Variants in FRMD4A observed in about 807,000 individuals in gnomAD.
FRMD4A encodes FERM domain-containing protein 4A.
FRMD4A carries 29 observed loss-of-function variants against 129.1 expected under a neutral mutation model. That is an observed-to-expected ratio of 0.22 (90% confidence interval 0.17 to 0.31). FRMD4A has a LOEUF of 0.31. Ranked by LOEUF, FRMD4A falls within the 10% of genes least tolerant of loss-of-function variation. FRMD4A has a pLI of 1.00. For synonymous variants in FRMD4A, 634 were observed against 571.6 expected (o/e 1.11, Z -1.56); for missense variants, 1,272 against 1,375.8 (o/e 0.92, Z 1.19).
At chr10:13,710,368 T>A (rs931373053) in intron 12 of FRMD4A, 1 of 152,266 alleles carries the variant, frequency 6.6e-6, no homozygotes, top group African/African-American at 2.4e-5. Context: ...CTTTAAGTGC[T>A]CCCTGATGCA....
At chr10:13,657,597 T>C (rs2082278647) in intron 21 of FRMD4A, 75 bp from the exon 22 acceptor site, 5 of 1,448,788 alleles carry the variant, frequency 3.5e-6, no homozygotes, top group Non-Finnish European at 3.6e-6. Flanking sequence ...GAGGAGGGGG[T>C]CCTGAGGAGG....
intron 2 of FRMD4A, among the ~76,000 whole-genome samples, chr10:13,955,781 G>C (rs1420755125): frequency 6.6e-6 from 1 of 152,240 alleles, no homozygotes; most frequent in Non-Finnish European, 1.5e-5. Context: ...CATATGTGGA[G>C]ATAACCAGCC....
chr10:13,670,590 A>C (rs2083432387), intron 16 of FRMD4A, 62 bp from the exon 17 acceptor site: 2 of 1,574,454 alleles, frequency 1.3e-6, no homozygotes, highest in African/African-American at 2.7e-5. Flanking sequence ...TCTGCTTCCT[A>C]GAACACACAC....
chr10:14,217,985 C>G (rs1043958882), intron 2 of FRMD4A, among the ~76,000 whole-genome samples: 1 of 152,072 alleles, frequency 6.6e-6, no homozygotes, highest in Non-Finnish European at 1.5e-5. Context: ...CGTTCACCAC[C>G]ACACCTGGCT....
Position 13,998,668 on chromosome 10 carries a change from C to T in FRMD4A, c.46-139756G>A, listed in dbSNP as rs550652966. Among the ~76,000 whole-genome samples, 8 of 152,264 alleles carry T rather than the reference C, an allele frequency of 5.3e-5. No homozygotes were observed. In the South Asian group the frequency reaches 1.7e-3, roughly 32 times the overall value. ...TCAGGGGGCCGTTCTTGACTCCTGT[C>T]TTCCTTTCTCCCTCCACACCCAATC... On this transcript the variant is annotated intron_variant, in intron 2 of 24. Transcript: ENST00000357447.
At chr10:13,899,649 C>T (rs1343699680) in intron 2 of FRMD4A, among the ~76,000 whole-genome samples, 8 of 152,100 alleles carry the variant, frequency 5.3e-5, no homozygotes, top group Admixed American at 5.2e-4. Flanking sequence ...GGTGCCAGAG[C>T]GAGACCCTGT....
At chr10:14,215,874 C>T (rs1016220290) in intron 2 of FRMD4A, among the ~76,000 whole-genome samples, 3 of 152,154 alleles carry the variant, frequency 2.0e-5, no homozygotes, top group South Asian at 2.1e-4. Context: ...TGCTACTGTC[C>T]TTACTTCGTA....
At chr10:13,856,719 G>A (rs988371806) in intron 3 of FRMD4A, among the ~76,000 whole-genome samples, 129 of 152,266 alleles carry the variant, frequency 8.5e-4, no homozygotes, top group Middle Eastern at 3.4e-3. Context: ...TCTCTCGTTC[G>A]CCTAATTCAA....
intron 2 of FRMD4A, among the ~76,000 whole-genome samples, chr10:14,038,981 C>T (rs1413186403): frequency 6.6e-6 from 1 of 152,156 alleles, no homozygotes; most frequent in African/African-American, 2.4e-5. Flanking sequence ...CCAGTGTGGA[C>T]ACCGTTAATT....
At chr10:13,659,544 G>A in intron 20 of FRMD4A, 54 bp from the exon 21 acceptor site, 1 of 1,551,500 alleles carries the variant, frequency 6.4e-7, no homozygotes, top group Non-Finnish European at 8.8e-7. Flanking sequence ...CACCTTTCCT[G>A]GGGGGCTGGC....
Position 13,740,238 on chromosome 10 carries a change from C to T in FRMD4A, c.628G>A (p.Val210Met), listed in dbSNP as rs1335033700. 1.9e-6 allele frequency: 3 copies of T among 1,607,312 alleles called. No individual in the cohort carries two copies. Among genetic ancestry groups the T allele is most frequent in the Admixed American group, 1.7e-5 (1 of 59,986 alleles). Residue 210 changes from valine to methionine, a missense_variant, in exon 11 of 25, where the codon GTG (valine) becomes ATG (methionine). This residue lies in a region of FRMD4A where 300 missense variants were observed against 483.6 expected (regional missense o/e 0.62). Transcript: ENST00000357447. ...ACCCCGTAGGTTGGGAGAGACTCCA[C>T]GATGCTCATGTAGCTGGAATGACAA... ...GQAIVNYMSIVESLPTYGVHY... is the reference protein window; with the variant it reads ...GQAIVNYMSIMESLPTYGVHY...
intron 5 of FRMD4A, among the ~76,000 whole-genome samples, chr10:13,795,780 G>C (rs906928992): frequency 6.6e-6 from 1 of 152,192 alleles, no homozygotes; most frequent in Non-Finnish European, 1.5e-5. Flanking sequence ...CACCAATTCA[G>C]ACTTTGCCCC....
intron 2 of FRMD4A, among the ~76,000 whole-genome samples, chr10:14,116,184 T>C (rs1336881169): frequency 2.6e-5 from 4 of 152,222 alleles, no homozygotes; most frequent in Admixed American, 6.5e-5. Flanking sequence ...GAAAATTGCA[T>C]GCCTTGCATC....
intron 3 of FRMD4A, among the ~76,000 whole-genome samples, chr10:13,844,521 C>T (rs2094015298): frequency 6.6e-6 from 1 of 152,096 alleles, no homozygotes; most frequent in Non-Finnish European, 1.5e-5. Context: ...TTTGATAATA[C>T]CAACATCCGG....
intron 2 of FRMD4A, among the ~76,000 whole-genome samples, chr10:13,910,218 A>G (rs1374589432): frequency 6.6e-6 from 1 of 152,250 alleles, no homozygotes; most frequent in Non-Finnish European, 1.5e-5. Flanking sequence ...TAAGTCTCCA[A>G]AGGACTTTGA....
intron 12 of FRMD4A, among the ~76,000 whole-genome samples, chr10:13,730,544 G>A (rs1288806376): frequency 6.6e-6 from 1 of 151,960 alleles, no homozygotes; most frequent in Non-Finnish European, 1.5e-5. Context: ...ATTTACCTCC[G>A]GTGCCTAAAT....
In FRMD4A at chr10:13,859,836, T is replaced by C. The variant is rs189463392; in HGVS notation, c.46-924A>G. On this transcript the variant is annotated intron_variant, in intron 2 of 24. Coordinates refer to ENST00000357447, the MANE Select transcript of FRMD4A (RefSeq NM_018027.5). ...AATCCAACCCCGTCCCTTGTGCCTT[T>C]CAGGACTGAAATCTCTGAGTGGTAT... 2.2e-3 allele frequency among the ~76,000 whole-genome samples: 329 copies of C among 152,294 alleles called. 5 individuals are homozygous for C. Among genetic ancestry groups the C allele is most frequent in the Admixed American group, 0.017 (262 of 15,296 alleles).
chr10:14,185,119 T>C (rs1842045806), intron 2 of FRMD4A, among the ~76,000 whole-genome samples: 1 of 152,230 alleles, frequency 6.6e-6, no homozygotes, highest in African/African-American at 2.4e-5. Flanking sequence ...CCAATGTCTG[T>C]GTCTGAACAG....
chr10:14,316,129 C>A (rs1267304846), intron 2 of FRMD4A, among the ~76,000 whole-genome samples: 1 of 152,196 alleles, frequency 6.6e-6, no homozygotes, highest in East Asian at 1.9e-4. Flanking sequence ...TATATCTGAT[C>A]CAAGCATAGT....
Sources: allele counts gnomAD v4.1 joint callset (sites outside exome capture counted in the v4.1 genomes callset), GRCh38; gene constraint gnomAD v4.1.1; regional missense constraint gnomAD v4.1.1; transcripts MANE v1.5; gene names NCBI Gene and HGNC (gene_info 2026-07-23, HGNC 2026-07-21).